The following NBAS variants were observed in gnomAD, a reference collection of about 807,000 sequenced individuals.
NBAS encodes the protein NBAS subunit of NRZ tethering complex, also known as NAG/BC035112 fusion.
In NBAS, 219 loss-of-function variants were observed where a neutral mutation model predicts 302.5. The observed-to-expected ratio is 0.72, with a 90% CI of 0.65 to 0.81. The LOEUF is 0.81. NBAS is among the 30% of genes least tolerant of loss of function. The probability of loss-of-function intolerance (pLI) is 0.00; values close to 1 mark genes in which losing one functional copy is unlikely to be tolerated. For synonymous variants in NBAS, 1,118 were observed against 1,021.6 expected (o/e 1.09, Z -1.80); for missense variants, 2,932 against 2,841.6 (o/e 1.03, Z -0.72).
intron 38 of NBAS, among the ~76,000 whole-genome samples, chr2:15,316,252 G>A (rs1035825255): frequency 4.6e-5 from 7 of 152,184 alleles, no homozygotes; most frequent in Admixed American, 6.5e-5. Context: ...CTCTCCCCCC[G>A]TTCCAAGACA....
the NBAS span, among the ~76,000 whole-genome samples, chr2:14,843,731 G>C: frequency 1.8e-4 from 28 of 152,246 alleles, no homozygotes; most frequent in Admixed American, 1.7e-3. Context: ...GCAGCTGCTT[G>C]GTGCAGAGAG....
rs945467491 is a variant in NBAS, at chr2:15,300,737, C to T, written c.4797+7479G>A. Among the ~76,000 whole-genome samples the T allele has an allele frequency of 7.9e-5, 12 of 152,148 alleles. 1 individual carries two copies. Among genetic ancestry groups the T allele is most frequent in the Non-Finnish European group, 1.8e-4 (12 of 68,036 alleles). ...ACACTGAGCGGAGAGAGATGTGTATCGACTGTCATCCTAAAATAACTGCTT... is the reference window on the plus strand; with the variant it reads ...ACACTGAGCGGAGAGAGATGTGTATTGACTGTCATCCTAAAATAACTGCTT... On this transcript the variant is annotated intron_variant, in intron 40 of 51. Transcript: ENST00000281513.
At chr2:15,427,029 T>C (rs938066142) in intron 22 of NBAS, among the ~76,000 whole-genome samples, 1 of 152,146 alleles carries the variant, frequency 6.6e-6, no homozygotes, top group African/African-American at 2.4e-5. Flanking sequence ...TCATACATTT[T>C]CTAAATGCCC....
the NBAS span, among the ~76,000 whole-genome samples, chr2:14,797,300 T>G: frequency 1.3e-5 from 2 of 152,074 alleles, no homozygotes; most frequent in Non-Finnish European, 2.9e-5. Context: ...TCTTCTTGGA[T>G]GCAGGAAAAG....
At chr2:15,554,656 G>A (rs1664561535) in intron 3 of NBAS, among the ~76,000 whole-genome samples, 1 of 149,440 alleles carries the variant, frequency 6.7e-6, no homozygotes, top group Non-Finnish European at 1.5e-5. Flanking sequence ...GAGAGGACAG[G>A]AGTTGGAAGT....
chr2:15,018,854 A>G, the NBAS span, among the ~76,000 whole-genome samples: 2 of 152,190 alleles, frequency 1.3e-5, no homozygotes, highest in African/African-American at 2.4e-5. Flanking sequence ...GTTGTTTTGC[A>G]TAGATTCTTT....
At chr2:15,268,674 TC>T (rs907601876) in intron 44 of NBAS, among the ~76,000 whole-genome samples, 4 of 152,128 alleles carry the variant, frequency 2.6e-5, no homozygotes, top group Non-Finnish European at 4.4e-5. Context: ...TGACTGTCCT[TC>T]CAGGGCTGTC....
the NBAS span, among the ~76,000 whole-genome samples, chr2:14,985,051 G>A: frequency 6.6e-6 from 1 of 152,168 alleles, no homozygotes; most frequent in Non-Finnish European, 1.5e-5. Context: ...AAAGGCATAA[G>A]TGAGAAATAT....
At chr2:15,309,674 C>A (rs1441239301) in intron 38 of NBAS, among the ~76,000 whole-genome samples, 1 of 152,120 alleles carries the variant, frequency 6.6e-6, no homozygotes, top group Admixed American at 6.5e-5. Flanking sequence ...TAGAGTAAAT[C>A]TTTTGATTAC....
At chr2:14,853,591 T>G in the NBAS span, among the ~76,000 whole-genome samples, 46 of 83,584 alleles carry the variant, frequency 5.5e-4, 7 homozygotes, top group Non-Finnish European at 8.2e-4. Context: ...CAAATGACTA[T>G]AAATCATGCT....
At chr2:14,934,806 A>G in the NBAS span, among the ~76,000 whole-genome samples, 2 of 152,192 alleles carry the variant, frequency 1.3e-5, no homozygotes, top group African/African-American at 2.4e-5. Context: ...TTGTCTGGAC[A>G]TAGAATTCTA....
the NBAS span, among the ~76,000 whole-genome samples, chr2:14,833,736 T>A: frequency 2.0e-5 from 3 of 152,174 alleles, no homozygotes; most frequent in African/African-American, 7.2e-5. Context: ...ATTCTAGTCC[T>A]GACCCTAATT....
At chr2:15,158,472 C>T in the NBAS span, among the ~76,000 whole-genome samples, 2 of 152,350 alleles carry the variant, frequency 1.3e-5, no homozygotes, top group Admixed American at 6.5e-5. Flanking sequence ...TTCCTCCTGA[C>T]AGCAGAACTG....
At chr2:14,812,477 G>T in the NBAS span, among the ~76,000 whole-genome samples, 1 of 152,304 alleles carries the variant, frequency 6.6e-6, no homozygotes, top group Middle Eastern at 3.4e-3. Flanking sequence ...TTCCCAGGAA[G>T]TATTTGCTTA....
chr2:14,794,243 C>T, the NBAS span, among the ~76,000 whole-genome samples: 5,514 of 152,094 alleles, frequency 0.036, 317 homozygotes, highest in African/African-American at 0.13. Context: ...TGGACCTGTC[C>T]GCTGGGCGCG....
At chr2:15,538,447 T>A (rs772983831) in intron 7 of NBAS, 17 of 337,920 alleles carry the variant, frequency 5.0e-5, no homozygotes, top group Non-Finnish European at 9.6e-5. Flanking sequence ...TAAAAGCTTA[T>A]AAACAATATT....
chr2:15,423,879 G>T (rs1677327113), intron 23 of NBAS, among the ~76,000 whole-genome samples: 1 of 152,202 alleles, frequency 6.6e-6, no homozygotes, highest in African/African-American at 2.4e-5. Context: ...TCTAAGAACT[G>T]AGAGAAATTA....
the NBAS span, among the ~76,000 whole-genome samples, chr2:14,972,347 A>T: frequency 1.3e-5 from 2 of 152,120 alleles, no homozygotes; most frequent in Admixed American, 1.3e-4. Flanking sequence ...CAACAGGTGC[A>T]GCAAACCACC....
intron 38 of NBAS, among the ~76,000 whole-genome samples, chr2:15,318,009 T>C (rs1671598988): frequency 6.6e-6 from 1 of 152,156 alleles, no homozygotes. Context: ...AAAGGTTGGG[T>C]TGCCCACAAA....
Sources: allele counts gnomAD v4.1 joint callset (sites outside exome capture counted in the v4.1 genomes callset), GRCh38; gene constraint gnomAD v4.1.1; transcripts MANE v1.5; gene names NCBI Gene and HGNC (gene_info 2026-07-23, HGNC 2026-07-21).